Variants in KLRF1 observed in about 807,000 individuals in gnomAD.
KLRF1 encodes killer cell lectin-like receptor subfamily F member 1.
A neutral mutation model predicts 30.7 loss-of-function variants in KLRF1; 27 were observed. The ratio of observed to expected loss-of-function variants is 0.88; its 90% confidence interval spans 0.65 to 1.21. KLRF1 has a LOEUF of 1.21. Among genes scored for constraint, KLRF1 ranks in the 50% most tolerant of loss-of-function variants. KLRF1 has a pLI of 0.00. For missense variants in KLRF1, 246 were observed against 259.3 expected (o/e 0.95, Z 0.35); for synonymous variants, 92 against 89.3 (o/e 1.03, Z -0.17).
At chr12:9,823,733 A>T (rs927687783), upstream of KLRF1, among the ~76,000 whole-genome samples, 19 of 151,238 alleles carry the variant, frequency 1.3e-4, no homozygotes, top group African/African-American at 4.4e-4. Flanking sequence ...AAAGTCTCTC[A>T]TTGGACTAAT....
chr12:9,811,319 C>CAAAAAAA, the KLRF1 span, among the ~76,000 whole-genome samples: 39,781 of 62,998 alleles, frequency 0.63, 12,489 homozygotes, highest in Admixed American at 0.72. Context: ...AGAAGTAGTC[C>CAAAAAAA]AAAAAAAAAA....
the KLRF1 span, among the ~76,000 whole-genome samples, chr12:9,814,848 A>ATG: frequency 2.1e-3 from 299 of 141,708 alleles, 1 homozygote; most frequent in South Asian, 0.019. Context: ...GCTGTGAAGG[A>ATG]TGTGTGTGTG....
At chr12:9,826,568 T>C (rs138740328), upstream of KLRF1, among the ~76,000 whole-genome samples, 2 of 152,260 alleles carry the variant, frequency 1.3e-5, no homozygotes, top group East Asian at 3.9e-4. Flanking sequence ...GACACATGCA[T>C]GCATCTGTTC....
the KLRF1 span, among the ~76,000 whole-genome samples, chr12:9,800,337 T>C: frequency 1.3e-5 from 2 of 152,042 alleles, no homozygotes; most frequent in African/African-American, 4.8e-5. Context: ...GCTTTTGGAG[T>C]ACAAGTGATT....
intron 1 of KLRF1, among the ~76,000 whole-genome samples, chr12:9,831,763 A>G (rs1867432880): frequency 6.6e-6 from 1 of 152,128 alleles, no homozygotes; most frequent in South Asian, 2.1e-4. Flanking sequence ...GAAAAATAAA[A>G]CAGTTCTTAA....
chr12:9,805,502 A>G, the KLRF1 span, among the ~76,000 whole-genome samples: 1 of 152,068 alleles, frequency 6.6e-6, no homozygotes, highest in African/African-American at 2.4e-5. Flanking sequence ...GTTGATGATT[A>G]TATTTCAACA....
intron 1 of KLRF1, 22 bp from the exon 2 acceptor site, chr12:9,832,294 A>T (rs1342889971): frequency 7.6e-7 from 1 of 1,309,606 alleles, no homozygotes; most frequent in Non-Finnish European, 1.1e-6. Flanking sequence ...TTCTAAACTA[A>T]TTCATGTGAT....
chr12:9,843,370 CATTTGTGATA>C (rs1299943132), intron 5 of KLRF1, among the ~76,000 whole-genome samples: 1 of 152,164 alleles, frequency 6.6e-6, no homozygotes, highest in Non-Finnish European at 1.5e-5. Context: ...TAGGCCACTA[CATTTGTGATA>C]ATTTGTCATA....
the KLRF1 span, among the ~76,000 whole-genome samples, chr12:9,810,185 T>C: frequency 6.6e-6 from 1 of 152,212 alleles, no homozygotes; most frequent in Admixed American, 6.5e-5. Flanking sequence ...TATTATACAA[T>C]ATAACTTGAT....
At chr12:9,831,434 T>C (rs1319847084) in intron 1 of KLRF1, among the ~76,000 whole-genome samples, 1 of 152,152 alleles carries the variant, frequency 6.6e-6, no homozygotes, top group African/African-American at 2.4e-5. Context: ...TTAAAGAGTA[T>C]TTAGAATATA....
the KLRF1 span, among the ~76,000 whole-genome samples, chr12:9,803,833 T>C: frequency 2.0e-5 from 3 of 152,090 alleles, no homozygotes; most frequent in Non-Finnish European, 2.9e-5. Context: ...ACACTCTTGA[T>C]TACTGCAGCT....
At chr12:9,808,797 T>C in the KLRF1 span, among the ~76,000 whole-genome samples, 1 of 152,156 alleles carries the variant, frequency 6.6e-6, no homozygotes, top group East Asian at 1.9e-4. Flanking sequence ...TTCTTGGTGT[T>C]AAAAGACTTA....
upstream of KLRF1, among the ~76,000 whole-genome samples, chr12:9,823,224 C>CAA (rs71049011): frequency 0.029 from 3,991 of 138,862 alleles, 96 homozygotes; most frequent in Admixed American, 0.068. Flanking sequence ...TTAGCAAATG[C>CAA]AAAAAAAAAA....
intron 1 of KLRF1, among the ~76,000 whole-genome samples, chr12:9,831,854 G>T (rs1449995127): frequency 9.2e-5 from 14 of 152,032 alleles, no homozygotes; most frequent in Admixed American, 8.5e-4. Context: ...AAAATAGCAG[G>T]ATACCTAAAG....
the KLRF1 span, among the ~76,000 whole-genome samples, chr12:9,809,750 A>C: frequency 2.6e-5 from 4 of 152,170 alleles, no homozygotes; most frequent in Non-Finnish European, 4.4e-5. Context: ...ATTTAAACTT[A>C]GGTTAAGAAA....
chr12:9,841,721 T>G (rs1467226648), intron 3 of KLRF1, 91 bp from the exon 4 acceptor site: 27 of 931,436 alleles, frequency 2.9e-5, no homozygotes, highest in Admixed American at 1.3e-4. Flanking sequence ...TCAACTCTTA[T>G]TTATACAACA....
At chr12:9,811,319 CAAAAA>C in the KLRF1 span, among the ~76,000 whole-genome samples, 1 of 62,182 alleles carries the variant, frequency 1.6e-5, no homozygotes, top group Non-Finnish European at 3.0e-5. Context: ...AGAAGTAGTC[CAAAAA>C]AAAAAAAAAA....
chr12:9,811,125 C>T, the KLRF1 span, among the ~76,000 whole-genome samples: 3 of 151,474 alleles, frequency 2.0e-5, no homozygotes, highest in Non-Finnish European at 4.4e-5. Context: ...CTGCTTCTTA[C>T]CACAGGCAAG....
upstream of KLRF1, among the ~76,000 whole-genome samples, chr12:9,825,761 G>C (rs898123592): frequency 8.5e-5 from 13 of 152,074 alleles, no homozygotes; most frequent in African/African-American, 3.1e-4. Context: ...AATTTTTGCA[G>C]ACTATGCATT....
Sources: allele counts gnomAD v4.1 joint callset (sites outside exome capture counted in the v4.1 genomes callset), GRCh38; gene constraint gnomAD v4.1.1; transcripts MANE v1.5; gene names NCBI Gene and HGNC (gene_info 2026-07-23, HGNC 2026-07-21).